CEP131: variants seen among roughly 807,000 people sequenced by gnomAD.
CEP131 encodes the protein centrosomal protein 131.
A neutral mutation model predicts 136.8 loss-of-function variants in CEP131; 99 were observed. The observed-to-expected ratio is 0.72, with a 90% CI of 0.62 to 0.86. The LOEUF (loss-of-function observed/expected upper bound fraction) is 0.86, where lower values mean the gene tolerates loss of function less well. Among genes scored for constraint, CEP131 ranks in the 40% least tolerant of loss-of-function variants. The pLI, the probability that CEP131 is intolerant of heterozygous loss-of-function variation, is 0.00. For synonymous variants in CEP131, 646 were observed against 612.7 expected (o/e 1.05, Z -0.80); for missense variants, 1,459 against 1,463.0 (o/e 1.00, Z 0.04).
At position 81,215,677 on chromosome 17, in the gene CEP131, G is replaced by A. The variant is rs1380730952; in HGVS notation, c.177+4203C>T. ...TCTGCCCACCTCGGCGTCCCAAAGT[G>A]CTGGGATTACAGGCACGGGCCACCG... On this transcript the variant is annotated intron_variant, in intron 2 of 25. Coordinates refer to ENST00000450824, the MANE Select transcript of CEP131 (RefSeq NM_014984.4). The surrounding 1 kb of genome is among the most constrained non-coding windows in gnomAD (Gnocchi z 4.1). Among the ~76,000 whole-genome samples, 1 of 151,968 alleles carries A rather than the reference G, an allele frequency of 6.6e-6. No homozygotes were observed. The highest frequency in any genetic ancestry group is 1.5e-5 in the Non-Finnish European group (1 of 68,018).
Position 81,189,852 on chromosome 17 carries a change from C to A in CEP131, c.3169-9G>T. The stretch of plus-strand genomic sequence containing the variant: ...GCCCGCTTCACCGCAGCCTGCAGCA[C>A]ACCCACAGGGTCAGGCCTGCTCCCA... On this transcript the variant is annotated splice_polypyrimidine_tract_variant and intron_variant, in intron 25 of 25. Transcript: ENST00000450824. 6.2e-7 allele frequency: 1 copy of A among 1,612,388 alleles called. No individual in the cohort carries two copies. The highest frequency in any genetic ancestry group is 1.1e-5 in the South Asian group (1 of 91,042).
At chr17:81,190,836 C>T in intron 23 of CEP131, 34 bp from the exon 24 acceptor site, 1 of 1,590,656 alleles carries the variant, frequency 6.3e-7, no homozygotes, top group South Asian at 1.1e-5. Context: ...AGCCGGCTGC[C>T]AGCGACTGGC....
At chr17:81,207,083 C>A (rs1168501569) in intron 4 of CEP131, 42 bp downstream of exon 4, 2 of 1,583,296 alleles carry the variant, frequency 1.3e-6, no homozygotes, top group East Asian at 2.2e-5. Context: ...GCCACAATCC[C>A]ATCACAGAGA....
In CEP131 at chr17:81,190,843, TG is replaced by T. The variant is rs2146476085; in HGVS notation, c.2944-42del. On this transcript the variant is annotated intron_variant, in intron 23 of 25. Transcript: ENST00000450824. Reference sequence around the variant, plus strand: ...AGGCAGTGAGCCGGCTGCCAGCGACTGGCTGCGTGCATGCAGGAGGGGCCTG... The same window carrying T: ...AGGCAGTGAGCCGGCTGCCAGCGACTGCTGCGTGCATGCAGGAGGGGCCTG... 7 of 1,590,440 alleles carry T rather than the reference TG, an allele frequency of 4.4e-6. No homozygotes were observed. The African/African-American group carries it at 5.4e-5, about 12-fold the overall frequency.
intron 17 of CEP131, 138 bp from the exon 18 acceptor site, chr17:81,194,265 C>G (rs939122902): frequency 7.1e-5 from 56 of 783,568 alleles, no homozygotes; most frequent in Non-Finnish European, 9.6e-5. Context: ...ACCCGAAGCA[C>G]AGCTGAGTCT....
Position 81,202,397 on chromosome 17 carries a change from T to C in CEP131, c.631A>G (p.Asn211Asp). Residue 211 changes from asparagine (N) to aspartate (D), a missense_variant and splice_region_variant, in exon 7 of 26, where the codon AAC becomes GAC. By Grantham distance (23) the Asn-to-Asp change is conservative (BLOSUM62 1). Coordinates refer to ENST00000450824, the MANE Select transcript of CEP131 (RefSeq NM_014984.4). ...TCACAGGTGGCTGCCTTGATGATGTTGCTGACAGGTAAGAAGAAAACACCC... is the reference window on the plus strand; with the variant it reads ...TCACAGGTGGCTGCCTTGATGATGTCGCTGACAGGTAAGAAGAAAACACCC... ...SSNQTAPSLN[N>D]IIKAATCEGS... 1 of 1,612,590 alleles carries C rather than the reference T, an allele frequency of 6.2e-7. No homozygotes were observed. Among genetic ancestry groups the C allele is most frequent in the Non-Finnish European group, 8.5e-7 (1 of 1,179,692 alleles).
intron 18 of CEP131, among the ~76,000 whole-genome samples, 184 bp from the exon 19 acceptor site, chr17:81,193,027 C>G (rs1287650724): frequency 6.6e-6 from 1 of 152,258 alleles, no homozygotes. Context: ...GGCAAGGCCA[C>G]GAGGAACTTG....
intron 6 of CEP131, 129 bp from the exon 7 acceptor site, chr17:81,202,527 G>A: frequency 1.8e-6 from 2 of 1,087,814 alleles, no homozygotes; most frequent in Non-Finnish European, 2.6e-6. Flanking sequence ...CTGGCAGCCG[G>A]GGCAGAGGGG....
Position 81,191,103 on chromosome 17 carries a change from C to T in CEP131, c.2766-19G>A. 1.3e-6 allele frequency: 2 copies of T among 1,599,276 alleles called. No individual in the cohort carries two copies. Among genetic ancestry groups the T allele is most frequent in the South Asian group, 2.2e-5 (2 of 89,694 alleles). On this transcript the variant is annotated intron_variant, in intron 22 of 25. Transcript: ENST00000450824. Reference sequence around the variant, plus strand: ...CTTGATGCTGGAGGTGGGGGGAGGGCAGGGTCACTCCAGCCCAGTCACACA... The same window carrying T: ...CTTGATGCTGGAGGTGGGGGGAGGGTAGGGTCACTCCAGCCCAGTCACACA...
intron 13 of CEP131, 71 bp downstream of exon 13, chr17:81,197,641 C>G: frequency 6.6e-7 from 1 of 1,516,154 alleles, no homozygotes; most frequent in Non-Finnish European, 8.8e-7. Flanking sequence ...CCTCCTCCCC[C>G]GAGGGCCAGG....
chr17:81,195,093 TG>T, intron 16 of CEP131, 121 bp from the exon 17 acceptor site: 2 of 730,626 alleles, frequency 2.7e-6, no homozygotes, highest in South Asian at 3.3e-5. Flanking sequence ...CACTCATGGT[TG>T]GGTGTGCTGC....
intron 21 of CEP131, 125 bp downstream of exon 21, chr17:81,192,193 G>A: frequency 2.4e-6 from 2 of 832,814 alleles, no homozygotes; most frequent in Non-Finnish European, 3.7e-6. Context: ...GCAGCCAGAT[G>A]TGACTCCCAG....
chr17:81,190,487 C>T (rs994491163), intron 24 of CEP131, 152 bp downstream of exon 24: 3 of 1,061,708 alleles, frequency 2.8e-6, no homozygotes, highest in Non-Finnish European at 3.9e-6. Context: ...GGGCCCCAAA[C>T]ATGGAACCCA....
chr17:81,199,101 G>A, intron 10 of CEP131, 130 bp from the exon 11 acceptor site: 1 of 929,764 alleles, frequency 1.1e-6, no homozygotes, highest in South Asian at 1.7e-5. Context: ...GAGCCGCTGG[G>A]GAGCCACGGC....
chr17:81,199,210 G>C (rs1418354617), intron 10 of CEP131, among the ~76,000 whole-genome samples, 171 bp downstream of exon 10: 1 of 152,184 alleles, frequency 6.6e-6, no homozygotes, highest in Non-Finnish European at 1.5e-5. Flanking sequence ...GATTGTCAAG[G>C]TCTCGGCACC....
At position 81,222,779 on chromosome 17, in the gene CEP131, CG is replaced by C. The variant is rs2062417236; in HGVS notation, c.-29del. ...CCGGGCCCCCCTCACCTGCGCGGGC[CG>C]GGGGCGCAGCCGCGAAGCCTGCCTG... On this transcript the variant is annotated 5_prime_UTR_variant, in exon 1 of 26. Coordinates refer to ENST00000450824, the MANE Select transcript of CEP131 (RefSeq NM_014984.4). 1 of 152,366 alleles carries C rather than the reference CG, an allele frequency of 6.6e-6. No individual in the cohort carries two copies. Among genetic ancestry groups the C allele is most frequent in the Non-Finnish European group, 1.5e-5 (1 of 68,072 alleles). The allele number at this position is 152,366 out of a possible 1,614,324, so 9.4% of individuals were successfully genotyped here. A position where few individuals can be genotyped will look rare whatever the true frequency, so the allele number is the denominator to read the frequency against.
Position 81,192,841 on chromosome 17 carries a change from A to C in CEP131, c.2324T>G (p.Phe775Cys). Residue 775 changes from phenylalanine (F) to cysteine (C), a missense_variant and splice_region_variant, in exon 19 of 26, where the codon TTC (phenylalanine) becomes TGC (cysteine). Coordinates refer to ENST00000450824, the MANE Select transcript of CEP131 (RefSeq NM_014984.4). ...QQERERARQR[F>C]QQHLEQEQWA... is the part of the protein sequence containing the mutation. ...CTGCTCCTGCTCCAGGTGCTGCTGGAACCTGCGGGACGGTCAGGACTGGCT... is the reference window on the plus strand; with the variant it reads ...CTGCTCCTGCTCCAGGTGCTGCTGGCACCTGCGGGACGGTCAGGACTGGCT... 1.3e-6 allele frequency: 2 copies of C among 1,597,176 alleles called. No homozygotes were observed. Among genetic ancestry groups the C allele is most frequent in the Non-Finnish European group, 1.7e-6 (2 of 1,179,062 alleles).
rs1598283112 is a variant in CEP131 at position 81,198,240 on chromosome 17, C to T, written c.1345G>A (p.Gly449Arg). 1 of 1,603,468 alleles carries T rather than the reference C, an allele frequency of 6.2e-7. No individual in the cohort carries two copies. Among genetic ancestry groups the T allele is most frequent in the Non-Finnish European group, 8.5e-7 (1 of 1,175,260 alleles). The change falls in exon 12 of 26, where the codon GGG becomes AGG. Residue 449 changes from glycine to arginine, a missense_variant. Coordinates refer to ENST00000450824, the MANE Select transcript of CEP131 (RefSeq NM_014984.4). ...DNLEMMAPSR[G>R]SAKSRGPLEE... ...AGTGGCCCCCTGGACTTGGCGCTCCCCCTGCTCGGGGCCATCATCTCCAGG... is the reference window on the plus strand; with the variant it reads ...AGTGGCCCCCTGGACTTGGCGCTCCTCCTGCTCGGGGCCATCATCTCCAGG...
chr17:81,191,116 G>T, intron 22 of CEP131, 32 bp from the exon 23 acceptor site: 3 of 1,602,868 alleles, frequency 1.9e-6, no homozygotes, highest in Non-Finnish European at 2.6e-6. Context: ...GGTCACTCCA[G>T]CCCAGTCACA....
Sources: allele counts gnomAD v4.1 joint callset (sites outside exome capture counted in the v4.1 genomes callset), GRCh38; gene constraint gnomAD v4.1.1; non-coding constraint Gnocchi (gnomAD v3.1); transcripts MANE v1.5; gene names NCBI Gene and HGNC (gene_info 2026-07-23, HGNC 2026-07-21).